Variants in PTPRD observed in about 807,000 individuals in gnomAD.
PTPRD encodes the protein protein tyrosine phosphatase receptor type D.
In PTPRD, 34 loss-of-function variants were observed where a neutral mutation model predicts 214.5. The ratio of observed to expected loss-of-function variants is 0.16; its 90% CI spans 0.12 to 0.21. PTPRD has a LOEUF of 0.21. PTPRD is among the 10% of genes least tolerant of loss of function. The pLI is 1.00. For synonymous variants in PTPRD, 1,128 were observed against 845.7 expected (o/e 1.33, Z -5.79); for missense variants, 2,545 against 2,398.7 (o/e 1.06, Z -1.27).
intron 10 of PTPRD, among the ~76,000 whole-genome samples, chr9:9,117,636 A>G (rs750151762): frequency 1.7e-4 from 26 of 152,216 alleles, no homozygotes; most frequent in Middle Eastern, 3.2e-3. Context: ...TACTGAATGA[A>G]AGTTTACTAA....
intron 44 of PTPRD, among the ~76,000 whole-genome samples, chr9:8,328,525 C>G (rs139442493): frequency 6.6e-6 from 1 of 152,190 alleles, no homozygotes; most frequent in African/African-American, 2.4e-5. Context: ...CGAAGAATAT[C>G]TTAGTGGTGT....
At chr9:8,676,722 C>G (rs1285313107) in intron 12 of PTPRD, among the ~76,000 whole-genome samples, 2 of 152,108 alleles carry the variant, frequency 1.3e-5, no homozygotes, top group East Asian at 3.9e-4. Flanking sequence ...TACAGGCATG[C>G]GCCACCATGC....
At chr9:10,298,287 G>A (rs1015949400) in intron 3 of PTPRD, among the ~76,000 whole-genome samples, 82 of 151,922 alleles carry the variant, frequency 5.4e-4, no homozygotes, top group African/African-American at 2.0e-3. Flanking sequence ...TTAAAATTAG[G>A]AATGCATTAC....
intron 2 of PTPRD, among the ~76,000 whole-genome samples, chr9:10,592,992 C>T (rs1251973212): frequency 6.6e-6 from 1 of 151,966 alleles, no homozygotes; most frequent in Non-Finnish European, 1.5e-5. Context: ...CTGCTGCTCA[C>T]TCTTTGGGTC....
chr9:8,598,730 A>T (rs1181512239), intron 14 of PTPRD, among the ~76,000 whole-genome samples: 1 of 152,158 alleles, frequency 6.6e-6, no homozygotes, highest in Non-Finnish European at 1.5e-5. Context: ...AGGATCTTTC[A>T]TTGGAAGAGC....
intron 2 of PTPRD, among the ~76,000 whole-genome samples, chr9:10,371,410 T>A (rs2097615147): frequency 1.3e-5 from 2 of 152,056 alleles, no homozygotes; most frequent in Admixed American, 1.3e-4. Context: ...TCGCTCTATT[T>A]TTACATCTTA....
intron 11 of PTPRD, among the ~76,000 whole-genome samples, chr9:8,734,316 C>G (rs935520663): frequency 6.6e-6 from 1 of 152,174 alleles, no homozygotes; most frequent in African/African-American, 2.4e-5. Context: ...AAGAAGCACA[C>G]CAGTGCTATG....
chr9:8,677,462 G>A (rs2097450539), intron 12 of PTPRD, among the ~76,000 whole-genome samples: 1 of 152,104 alleles, frequency 6.6e-6, no homozygotes, highest in South Asian at 2.1e-4. Context: ...ATAAACGGGA[G>A]CTAAACATTG....
chr9:8,608,399 G>A (rs1249641691), intron 14 of PTPRD, among the ~76,000 whole-genome samples: 1 of 152,082 alleles, frequency 6.6e-6, no homozygotes, highest in Non-Finnish European at 1.5e-5. Context: ...AAGAACGAGA[G>A]GTATTTCCAA....
At chr9:8,906,430 T>C (rs935586914) in intron 11 of PTPRD, among the ~76,000 whole-genome samples, 7 of 152,220 alleles carry the variant, frequency 4.6e-5, no homozygotes, top group Admixed American at 3.9e-4. Context: ...TGTCTTGATA[T>C]AGTTCAGTTT....
At chr9:8,654,578 A>G (rs1372360452) in intron 12 of PTPRD, among the ~76,000 whole-genome samples, 1 of 152,240 alleles carries the variant, frequency 6.6e-6, no homozygotes, top group Non-Finnish European at 1.5e-5. Flanking sequence ...TAATCATTAT[A>G]TATACATGTA....
intron 43 of PTPRD, among the ~76,000 whole-genome samples, chr9:8,336,490 C>CAAAAAAAAAT (rs1356162576): frequency 1.5e-5 from 1 of 65,982 alleles, no homozygotes; most frequent in Admixed American, 1.6e-4. Flanking sequence ...TGATGAAAAC[C>CAAAAAAAAAT]CCTAGAAGAA....
chr9:8,884,206 T>C (rs1365191911), intron 11 of PTPRD, among the ~76,000 whole-genome samples: 1 of 152,206 alleles, frequency 6.6e-6, no homozygotes, highest in Non-Finnish European at 1.5e-5. Flanking sequence ...AGAATGGCTA[T>C]ACTGAGACTG....
chr9:10,015,687 A>G (rs2096693013), intron 4 of PTPRD, among the ~76,000 whole-genome samples: 1 of 152,184 alleles, frequency 6.6e-6, no homozygotes, highest in Admixed American at 6.5e-5. Context: ...TAAAAGAAAA[A>G]GAACGAGAAG....
chr9:8,544,164 C>CTTTTTTTTTTTT (rs373194856), intron 14 of PTPRD, among the ~76,000 whole-genome samples: 24 of 111,126 alleles, frequency 2.2e-4, no homozygotes, highest in African/African-American at 3.3e-4. Context: ...TTTGCCATTA[C>CTTTTTTTTTTTT]TTTTTTTTTT....
At chr9:10,135,374 C>T (rs1402682518) in intron 3 of PTPRD, among the ~76,000 whole-genome samples, 2 of 151,988 alleles carry the variant, frequency 1.3e-5, no homozygotes, top group African/African-American at 2.4e-5. Context: ...AAAAAATACA[C>T]AGAACCCCCA....
intron 9 of PTPRD, among the ~76,000 whole-genome samples, chr9:9,186,715 A>T (rs1000680382): frequency 6.6e-6 from 1 of 151,656 alleles, no homozygotes; most frequent in African/African-American, 2.4e-5. Flanking sequence ...GTGTGTATGC[A>T]TGGGAAGTTT....
chr9:8,551,644 T>C (rs1436389107), intron 14 of PTPRD, among the ~76,000 whole-genome samples: 1 of 152,206 alleles, frequency 6.6e-6, no homozygotes, highest in Admixed American at 6.5e-5. Flanking sequence ...TCATTTTCAA[T>C]TACTTCATCA....
At chr9:9,643,685 C>T (rs1392632162) in intron 7 of PTPRD, among the ~76,000 whole-genome samples, 2 of 152,018 alleles carry the variant, frequency 1.3e-5, no homozygotes, top group African/African-American at 4.8e-5. Flanking sequence ...CTTGAAAAAG[C>T]CCTGCTTCCT....
Sources: gnomAD v4.1 joint callset for allele counts (sites outside exome capture counted in the v4.1 genomes callset) on GRCh38, gnomAD v4.1.1 for gene constraint, MANE v1.5 for transcripts, NCBI Gene and HGNC (gene_info 2026-07-23, HGNC 2026-07-21) for gene names.